The following SUGCT variants were observed in gnomAD, a reference collection of about 807,000 sequenced individuals.
SUGCT encodes succinyl-CoA:glutarate-CoA transferase.
In SUGCT, 41 loss-of-function variants were observed where a neutral mutation model predicts 55.0. The ratio of observed to expected loss-of-function variants is 0.74; its 90% confidence interval spans 0.58 to 0.97. The LOEUF is 0.97. Ranked by LOEUF, SUGCT falls within the 50% of genes least tolerant of loss-of-function variation. The pLI is 0.00. For synonymous variants in SUGCT, 187 were observed against 200.4 expected, an observed-to-expected ratio of 0.93 and a Z score of 0.56; for missense variants, 568 against 547.8, an observed-to-expected ratio of 1.04 and a Z score of -0.37.
At chr7:40,444,106 T>C (rs1312640905) in intron 9 of SUGCT, among the ~76,000 whole-genome samples, 1 of 152,242 alleles carries the variant, frequency 6.6e-6, no homozygotes, top group Admixed American at 6.5e-5. Context: ...ACCAGTACCA[T>C]GCTGTTTTGG....
At chr7:40,825,137 T>A (rs534948012) in intron 13 of SUGCT, among the ~76,000 whole-genome samples, 2 of 152,166 alleles carry the variant, frequency 1.3e-5, no homozygotes, top group Admixed American at 1.3e-4. Flanking sequence ...GACCTGGAAG[T>A]AGTATACACA....
intron 12 of SUGCT, among the ~76,000 whole-genome samples, chr7:40,601,922 GC>G (rs1488773244): frequency 6.6e-6 from 1 of 152,056 alleles, no homozygotes; most frequent in Non-Finnish European, 1.5e-5. Flanking sequence ...AAAAAGGATT[GC>G]CCTTTGCCTG....
intron 13 of SUGCT, among the ~76,000 whole-genome samples, chr7:40,773,171 C>T (rs1418250941): frequency 6.6e-6 from 1 of 151,992 alleles, no homozygotes; most frequent in African/African-American, 2.4e-5. Flanking sequence ...TCTTGTCACC[C>T]AGGCTGGAGT....
chr7:40,239,366 C>T (rs1270623842), intron 7 of SUGCT, among the ~76,000 whole-genome samples: 1 of 152,174 alleles, frequency 6.6e-6, no homozygotes, highest in Non-Finnish European at 1.5e-5. Flanking sequence ...AGCTGCTGTA[C>T]CCTGCTGGCC....
At chr7:40,433,083 G>T (rs1787987801) in intron 9 of SUGCT, among the ~76,000 whole-genome samples, 1 of 152,018 alleles carries the variant, frequency 6.6e-6, no homozygotes, top group Non-Finnish European at 1.5e-5. Context: ...GATCAAGTCT[G>T]CTATTGAATC....
intron 7 of SUGCT, among the ~76,000 whole-genome samples, chr7:40,248,262 G>C (rs112910760): frequency 0.12 from 18,452 of 152,046 alleles, 1,369 homozygotes; most frequent in Middle Eastern, 0.19. Flanking sequence ...CTGCCCATCT[G>C]AGCCTCCCAA....
the SUGCT span, among the ~76,000 whole-genome samples, chr7:40,869,663 C>A: frequency 2.3e-5 from 3 of 129,286 alleles, no homozygotes; most frequent in African/African-American, 8.6e-5. Context: ...AATATACCCA[C>A]GAATGTCATT....
At chr7:40,340,098 G>A (rs1391836129) in intron 9 of SUGCT, among the ~76,000 whole-genome samples, 1 of 152,088 alleles carries the variant, frequency 6.6e-6, no homozygotes, top group Non-Finnish European at 1.5e-5. Flanking sequence ...AACTCAATAT[G>A]GTAAGGATAG....
In SUGCT at chr7:40,337,608, A is replaced by G. The variant is rs1447932543; in HGVS notation, c.816+20753A>G. Among the ~76,000 whole-genome samples, 4 of 152,032 alleles carry G rather than the reference A, an allele frequency of 2.6e-5. No individual in the cohort carries two copies. In the East Asian group the frequency reaches 5.8e-4, roughly 22 times the overall value. On this transcript the variant is annotated intron_variant, in intron 9 of 13. Transcript: ENST00000335693. ...TTGTTTTCCATTTGCTTGGTAGATCATCCTCCATCCCTTTGTTTTGAGTCT... is the reference window on the plus strand; with the variant it reads ...TTGTTTTCCATTTGCTTGGTAGATCGTCCTCCATCCCTTTGTTTTGAGTCT...
At chr7:40,469,436 A>G (rs1562799426) in intron 11 of SUGCT, among the ~76,000 whole-genome samples, 4 of 152,188 alleles carry the variant, frequency 2.6e-5, no homozygotes, top group Non-Finnish European at 5.9e-5. Flanking sequence ...TAAAATGTCT[A>G]TATTTTATGT....
chr7:40,230,292 G>A (rs187609265), intron 6 of SUGCT, among the ~76,000 whole-genome samples: 13 of 152,246 alleles, frequency 8.5e-5, no homozygotes, highest in African/African-American at 2.4e-4. Context: ...TCTGAAGAAC[G>A]GCTATTCTAA....
At chr7:40,170,684 C>T (rs962288263) in intron 1 of SUGCT, among the ~76,000 whole-genome samples, 7 of 151,638 alleles carry the variant, frequency 4.6e-5, no homozygotes, top group African/African-American at 1.7e-4. Context: ...TGTTTTCCCA[C>T]CTTTCTTAAC....
intron 6 of SUGCT, among the ~76,000 whole-genome samples, chr7:40,212,008 A>G (rs908110506): frequency 5.3e-5 from 8 of 152,212 alleles, no homozygotes; most frequent in African/African-American, 1.9e-4. Flanking sequence ...CCTTGGTGTT[A>G]TCCCCACCTT....
chr7:40,494,823 T>C (rs1264320996), intron 11 of SUGCT, among the ~76,000 whole-genome samples: 2 of 152,160 alleles, frequency 1.3e-5, no homozygotes, highest in Non-Finnish European at 2.9e-5. Flanking sequence ...TTTATTCCAT[T>C]TTTTTCTTTT....
At chr7:40,687,745 T>C (rs950208072) in intron 12 of SUGCT, among the ~76,000 whole-genome samples, 1 of 152,128 alleles carries the variant, frequency 6.6e-6, no homozygotes, top group Admixed American at 6.5e-5. Flanking sequence ...AAGCAAGCAC[T>C]AGCCTCTATT....
At chr7:40,528,656 C>A (rs553563012) in intron 12 of SUGCT, among the ~76,000 whole-genome samples, 1 of 152,238 alleles carries the variant, frequency 6.6e-6, no homozygotes, top group South Asian at 2.1e-4. Context: ...TTATGAAAAT[C>A]TTTTCTTCTG....
At chr7:40,331,595 G>A (rs1584699725) in intron 9 of SUGCT, among the ~76,000 whole-genome samples, 1 of 75,768 alleles carries the variant, frequency 1.3e-5, no homozygotes. Context: ...GAGACCGCAG[G>A]CCTGCTGCTA....
chr7:40,428,072 A>G (rs1284933938), intron 9 of SUGCT, among the ~76,000 whole-genome samples: 3 of 152,034 alleles, frequency 2.0e-5, no homozygotes, highest in East Asian at 3.9e-4. Flanking sequence ...TGTTTCATAT[A>G]TTTTCATAAT....
chr7:40,918,946 CCCTCACAAGTGGTGATGAGAGAAAAGTTA>C, the SUGCT span, among the ~76,000 whole-genome samples: 2 of 152,188 alleles, frequency 1.3e-5, no homozygotes, highest in South Asian at 2.1e-4. Context: ...TGGAAAAGTT[CCCTCACAAGTGGTGATGAGAGAAAAGTTA>C]CCTCACAAGT....
Sources: gnomAD v4.1 joint callset for allele counts (sites outside exome capture counted in the v4.1 genomes callset) on GRCh38, gnomAD v4.1.1 for gene constraint, MANE v1.5 for transcripts, NCBI Gene and HGNC (gene_info 2026-07-23, HGNC 2026-07-21) for gene names.